STRBP: variants seen among roughly 807,000 people sequenced by gnomAD.
The protein encoded by STRBP is spermatid perinuclear RNA-binding protein.
Under a neutral mutation model 80.1 loss-of-function variants are expected in STRBP, and 13 were observed. The ratio of observed to expected loss-of-function variants is 0.16; its 90% CI spans 0.11 to 0.26. The LOEUF (loss-of-function observed/expected upper bound fraction) is 0.26, where lower values mean the gene tolerates loss of function less well. STRBP is among the 10% of genes least tolerant of loss of function. STRBP has a pLI of 1.00. For synonymous variants in STRBP, 284 were observed against 291.2 expected (o/e 0.98, Z 0.25); for missense variants, 485 against 815.2 (o/e 0.59, Z 4.93).
At chr9:123,155,880 C>G (rs1223710353) in intron 11 of STRBP, among the ~76,000 whole-genome samples, 1 of 150,954 alleles carries the variant, frequency 6.6e-6, no homozygotes, top group African/African-American at 2.4e-5. Flanking sequence ...ACGTGAATGT[C>G]AGGAAGCTAG....
At position 123,194,103 on chromosome 9, in the gene STRBP, C is replaced by G. The variant is rs557407365; in HGVS notation, c.-164-9805G>C. On this transcript the variant is annotated intron_variant, in intron 2 of 18. Transcript: ENST00000348403. Reference sequence around the variant, plus strand: ...GTCCCACCTAAAATGCAAGTAGGAGCCTCAATGAAAAAGTTAAATGTTCAT... The same window carrying G: ...GTCCCACCTAAAATGCAAGTAGGAGGCTCAATGAAAAAGTTAAATGTTCAT... 5.3e-5 allele frequency among the ~76,000 whole-genome samples: 8 copies of G among 152,172 alleles called. No individual in the cohort carries two copies. In the South Asian group the frequency reaches 1.5e-3, roughly 28 times the overall value.
chr9:123,261,239 A>G (rs1409900574), intron 1 of STRBP, among the ~76,000 whole-genome samples: 1 of 152,228 alleles, frequency 6.6e-6, no homozygotes, highest in East Asian at 1.9e-4. Flanking sequence ...GGGAGGACTA[A>G]GCATTATCCC....
intron 2 of STRBP, among the ~76,000 whole-genome samples, chr9:123,200,734 ATTTTTTTT>A (rs71390418): frequency 4.0e-4 from 15 of 37,512 alleles, no homozygotes; most frequent in South Asian, 2.5e-3. Context: ...CACCCCGCTA[ATTTTTTTT>A]TTTTTTTTTT....
chr9:123,186,724 T>G (rs2038711932), intron 2 of STRBP, among the ~76,000 whole-genome samples: 1 of 151,930 alleles, frequency 6.6e-6, no homozygotes, highest in Admixed American at 6.6e-5. Flanking sequence ...TCCCCAATAT[T>G]TATCAATCTG....
chr9:123,197,528 A>C (rs1419927196), intron 2 of STRBP, among the ~76,000 whole-genome samples: 25 of 151,966 alleles, frequency 1.6e-4, no homozygotes, highest in Non-Finnish European at 4.4e-5. Context: ...GAGTCTCTAA[A>C]ATTCATTATA....
At chr9:123,171,441 G>C (rs1285728657) in intron 5 of STRBP, among the ~76,000 whole-genome samples, 1 of 152,158 alleles carries the variant, frequency 6.6e-6, no homozygotes. Flanking sequence ...TCGTATCAGA[G>C]ACTGGTTTTC....
intron 2 of STRBP, among the ~76,000 whole-genome samples, chr9:123,233,143 A>T (rs2040445226): frequency 6.6e-6 from 1 of 152,176 alleles, no homozygotes; most frequent in African/African-American, 2.4e-5. Flanking sequence ...GCGTGAACAT[A>T]GCTCATGGCA....
chr9:123,143,486 C>G (rs1014272451), intron 13 of STRBP, among the ~76,000 whole-genome samples: 1 of 152,220 alleles, frequency 6.6e-6, no homozygotes, highest in Admixed American at 6.5e-5. Flanking sequence ...TGAGTAAGAA[C>G]TAAAAGGATT....
At chr9:123,263,022 C>G (rs909846615) in intron 1 of STRBP, among the ~76,000 whole-genome samples, 6 of 152,184 alleles carry the variant, frequency 3.9e-5, no homozygotes, top group Admixed American at 3.3e-4. Context: ...AAATTAGACT[C>G]GATTCACTAG....
At chr9:123,135,216 C>T (rs2036301831) in intron 16 of STRBP, among the ~76,000 whole-genome samples, 1 of 152,114 alleles carries the variant, frequency 6.6e-6, no homozygotes, top group Non-Finnish European at 1.5e-5. Flanking sequence ...CTACAATGGA[C>T]ATAGCATACA....
chr9:123,222,625 C>T lies in STRBP; in HGVS notation c.-165+14205G>A, dbSNP rs114160786. On this transcript the variant is annotated intron_variant, in intron 2 of 18. Transcript: ENST00000348403. Reference sequence around the variant, plus strand: ...TATGAACAATTCTACGGCCACTGATCGATAACCTCAGTAAAATGTATCAAT... The same window carrying T: ...TATGAACAATTCTACGGCCACTGATTGATAACCTCAGTAAAATGTATCAAT... Among the ~76,000 whole-genome samples the T allele has an allele frequency of 3.6e-3, 554 of 152,250 alleles. 4 individuals carry two copies. Among genetic ancestry groups the T allele is most frequent in the African/African-American group, 0.013 (543 of 41,552 alleles).
At chr9:123,224,128 T>C (rs2040161180) in intron 2 of STRBP, among the ~76,000 whole-genome samples, 1 of 152,202 alleles carries the variant, frequency 6.6e-6, no homozygotes, top group South Asian at 2.1e-4. Context: ...TACTCATATT[T>C]ATATATTAGC....
intron 2 of STRBP, among the ~76,000 whole-genome samples, chr9:123,198,797 C>A (rs1257707166): frequency 6.6e-6 from 1 of 152,162 alleles, no homozygotes; most frequent in African/African-American, 2.4e-5. Context: ...TTTCATTCAT[C>A]TACTACATGT....
rs562656853 is a variant in STRBP, at chr9:123,220,106, T to C, written c.-165+16724A>G. On this transcript the variant is annotated intron_variant, in intron 2 of 18. Coordinates refer to ENST00000348403, the MANE Select transcript of STRBP (RefSeq NM_018387.5). ...ACAGATAAAAAATTAGAGATTCAGA[T>C]GGAAAAAGAGCAAATAAAGAGGTAA... Among the ~76,000 whole-genome samples, 9 of 152,232 alleles carry C rather than the reference T, an allele frequency of 5.9e-5. 1 individual carries two copies. The South Asian group carries it at 1.9e-3, about 32-fold the overall frequency.
At position 123,123,949 on chromosome 9, in the gene STRBP, T is replaced by C. The variant is rs2035808171; in HGVS notation, c.*1648A>G. ...TAGCCACTAATGCACAGGATGAGAA[T>C]GATAAGTTACAGCTATTTCCAGCAA... On this transcript the variant is annotated 3_prime_UTR_variant, in exon 19 of 19. Transcript: ENST00000348403. 1 of 985,250 alleles carries C rather than the reference T, an allele frequency of 1.0e-6. No individual in the cohort carries two copies. The highest frequency in any genetic ancestry group is 1.2e-6 in the Non-Finnish European group (1 of 829,928). The allele number at this position is 985,250 out of a possible 1,614,324, so 61.0% of individuals were successfully genotyped here. A position where few individuals can be genotyped will look rare whatever the true frequency, so the allele number is the denominator to read the frequency against.
At chr9:123,127,282 A>ACCT (rs2035933864) in intron 18 of STRBP, among the ~76,000 whole-genome samples, 1 of 152,248 alleles carries the variant, frequency 6.6e-6, no homozygotes, top group Non-Finnish European at 1.5e-5. Flanking sequence ...TGAAGAGAAA[A>ACCT]TGCACAATGC....
intron 17 of STRBP, among the ~76,000 whole-genome samples, chr9:123,131,502 T>C (rs1300158460): frequency 1.3e-5 from 2 of 152,222 alleles, no homozygotes; most frequent in African/African-American, 4.8e-5. Context: ...CTGTTCCTTC[T>C]GTATGCAACA....
intron 2 of STRBP, among the ~76,000 whole-genome samples, chr9:123,205,798 C>G (rs961970417): frequency 2.0e-5 from 3 of 152,194 alleles, no homozygotes; most frequent in Non-Finnish European, 4.4e-5. Context: ...AACTGTGTAT[C>G]TAGGTCAGAA....
chr9:123,175,977 G>A (rs1484774315), intron 4 of STRBP, among the ~76,000 whole-genome samples: 1 of 152,148 alleles, frequency 6.6e-6, no homozygotes, highest in African/African-American at 2.4e-5. Flanking sequence ...TCCTGGCTCT[G>A]CTACTTACTG....
Sources: allele counts gnomAD v4.1 joint callset (sites outside exome capture counted in the v4.1 genomes callset), GRCh38; gene constraint gnomAD v4.1.1; transcripts MANE v1.5; gene names NCBI Gene and HGNC (gene_info 2026-07-23, HGNC 2026-07-21).